Variants in ASTN2 observed in about 807,000 individuals in gnomAD.
ASTN2 encodes the protein astrotactin 2, also known as astrotactin-2.
Under a neutral mutation model 139.8 loss-of-function variants are expected in ASTN2, and 54 were observed. That is an observed-to-expected ratio of 0.39 (90% CI 0.31 to 0.48). ASTN2 has a LOEUF of 0.48. Ranked by LOEUF, ASTN2 falls within the 20% of genes least tolerant of loss-of-function variation. The pLI is 0.95. For missense variants in ASTN2, 1,565 were observed against 1,725.1 expected, an observed-to-expected ratio of 0.91 and a Z score of 1.64; for synonymous variants, 756 against 719.5, an observed-to-expected ratio of 1.05 and a Z score of -0.81.
At chr9:116,743,771 G>A (rs114296234) in intron 13 of ASTN2, among the ~76,000 whole-genome samples, 2,514 of 152,244 alleles carry the variant, frequency 0.017, 75 homozygotes, top group African/African-American at 0.057. Context: ...CCAAAGTGCT[G>A]GGATTTCAGG....
chr9:116,490,017 A>C (rs1261527099), intron 19 of ASTN2, among the ~76,000 whole-genome samples: 3 of 151,972 alleles, frequency 2.0e-5, no homozygotes, highest in South Asian at 4.1e-4. Context: ...TGTTACAAGG[A>C]GTTAACAGCA....
At chr9:117,090,080 A>G (rs979018573) in intron 5 of ASTN2, among the ~76,000 whole-genome samples, 2 of 152,192 alleles carry the variant, frequency 1.3e-5, no homozygotes, top group Non-Finnish European at 2.9e-5. Flanking sequence ...GGAGTCAGCT[A>G]AGTTTCATGG....
chr9:117,234,055 C>T (rs1428129714), intron 2 of ASTN2, among the ~76,000 whole-genome samples: 1 of 152,130 alleles, frequency 6.6e-6, no homozygotes, highest in Non-Finnish European at 1.5e-5. Flanking sequence ...TGTCTCTCAG[C>T]AACAGGAGGG....
Position 116,862,807 on chromosome 9 carries a change from TACACAC to T in ASTN2, c.2040+770_2040+775del, listed in dbSNP as rs751612533. Among the ~76,000 whole-genome samples the T allele has an allele frequency of 4.2e-3, 379 of 90,916 alleles. 4 individuals carry two copies. The highest frequency in any genetic ancestry group is 0.016 in the African/African-American group (371 of 23,302). The allele number at this position is 90,916 out of a possible 152,430, so 59.6% of individuals were successfully genotyped here. ...TTCAAGATACCCCAACACACACAAA[TACACAC>T]ACACACACACACACACACACACACA... On this transcript the variant is annotated intron_variant, in intron 11 of 22. Coordinates refer to ENST00000313400, the MANE Select transcript of ASTN2 (RefSeq NM_001365068.1).
At chr9:117,063,835 GC>G (rs1462036266) in intron 5 of ASTN2, among the ~76,000 whole-genome samples, 1 of 152,070 alleles carries the variant, frequency 6.6e-6, no homozygotes, top group Non-Finnish European at 1.5e-5. Flanking sequence ...AAGGGTTGTA[GC>G]AAAACCTTAC....
intron 4 of ASTN2, among the ~76,000 whole-genome samples, chr9:117,121,444 C>CAGGAAGGA (rs1202986706): frequency 7.2e-5 from 11 of 152,204 alleles, no homozygotes; most frequent in Admixed American, 7.2e-4. Context: ...CTCACACCTC[C>CAGGAAGGA]AGGAAGGAAG....
intron 10 of ASTN2, among the ~76,000 whole-genome samples, chr9:116,911,623 G>A (rs975775708): frequency 7.2e-5 from 11 of 152,164 alleles, no homozygotes; most frequent in African/African-American, 2.4e-4. Flanking sequence ...AAAATAGGTG[G>A]TTTATGCGCG....
At chr9:116,855,739 G>T (rs1186470114) in intron 11 of ASTN2, among the ~76,000 whole-genome samples, 1 of 152,134 alleles carries the variant, frequency 6.6e-6, no homozygotes, top group East Asian at 1.9e-4. Flanking sequence ...TTACCTGGCT[G>T]GTTGGATTTG....
chr9:117,098,598 G>A (rs1464221621), intron 4 of ASTN2, among the ~76,000 whole-genome samples: 1 of 152,012 alleles, frequency 6.6e-6, no homozygotes, highest in Non-Finnish European at 1.5e-5. Context: ...CTAAAAGCAG[G>A]GCCTGGAGAC....
chr9:117,414,544 G>T lies in ASTN2; in HGVS notation c.395C>A (p.Ala132Glu), dbSNP rs893223522. Residue 132 changes from alanine (A) to glutamate (E), a missense_variant, in exon 1 of 23, where the codon GCG (alanine) becomes GAG (glutamate). This residue lies in a region of ASTN2 where 596 missense variants were observed against 576.8 expected (regional missense o/e 1.03). Coordinates refer to ENST00000313400, the MANE Select transcript of ASTN2 (RefSeq NM_001365068.1). This position sits in a 1 kb window ranked among gnomAD's most constrained non-coding sequence, Gnocchi z 4.2. ...GGTGTTGTCCAGGTCGTCCTGCACC[G>T]CGATGCGCCCCGGCAGCTCGTTACG... ...FVRNELPGRI[A>E]VQDDLDNTEL... 3 of 1,605,526 alleles carry T rather than the reference G, an allele frequency of 1.9e-6. No homozygotes were observed. In the African/African-American group the frequency reaches 4.1e-5, roughly 22 times the overall value.
At chr9:117,145,174 G>A (rs962346659) in intron 3 of ASTN2, among the ~76,000 whole-genome samples, 1 of 152,074 alleles carries the variant, frequency 6.6e-6, no homozygotes, top group Non-Finnish European at 1.5e-5. Flanking sequence ...GGAGATGCTG[G>A]GTAGACAGTG....
intron 7 of ASTN2, among the ~76,000 whole-genome samples, chr9:117,004,604 TAGAG>T (rs1837302992): frequency 6.6e-6 from 1 of 152,118 alleles, no homozygotes; most frequent in Non-Finnish European, 1.5e-5. Context: ...AATCCTCAAA[TAGAG>T]GGAGGAGATC....
intron 11 of ASTN2, among the ~76,000 whole-genome samples, chr9:116,833,745 T>C (rs1221852721): frequency 1.3e-5 from 2 of 152,202 alleles, no homozygotes. Context: ...TTATATCTAT[T>C]ATGGGCTGAA....
intron 3 of ASTN2, among the ~76,000 whole-genome samples, chr9:117,212,611 TA>T: frequency 6.6e-6 from 1 of 151,502 alleles, no homozygotes; most frequent in South Asian, 2.1e-4. Flanking sequence ...TCCAATCTAA[TA>T]AAAAAGTGGA....
intron 19 of ASTN2, among the ~76,000 whole-genome samples, chr9:116,567,002 G>C (rs1173623444): frequency 1.3e-5 from 2 of 152,204 alleles, no homozygotes; most frequent in African/African-American, 4.8e-5. Context: ...CTCAGCATCT[G>C]CTTCTCAGAG....
chr9:117,408,392 G>A (rs1196457389), intron 1 of ASTN2, among the ~76,000 whole-genome samples: 1 of 152,138 alleles, frequency 6.6e-6, no homozygotes, highest in Non-Finnish European at 1.5e-5. Context: ...TGCCTTGTGA[G>A]TCTGTGATGC....
chr9:116,803,509 TATATATATATA>T (rs1371819804), intron 13 of ASTN2, among the ~76,000 whole-genome samples: 7 of 8,070 alleles, frequency 8.7e-4, no homozygotes, highest in East Asian at 0.018. Flanking sequence ...TATATATATA[TATATATATATA>T]TATTTTTTTT....
At chr9:117,116,566 G>T (rs1307401666) in intron 4 of ASTN2, among the ~76,000 whole-genome samples, 1 of 140,408 alleles carries the variant, frequency 7.1e-6, no homozygotes, top group East Asian at 2.1e-4. Context: ...TAAGGGAAAA[G>T]ATTTCATCAA....
chr9:116,605,988 C>T (rs534413615), intron 19 of ASTN2, among the ~76,000 whole-genome samples: 2 of 152,230 alleles, frequency 1.3e-5, no homozygotes, highest in East Asian at 1.9e-4. Context: ...CCTTTTTCTT[C>T]GTAGGTCAAA....
Sources: allele counts gnomAD v4.1 joint callset (sites outside exome capture counted in the v4.1 genomes callset), GRCh38; gene constraint gnomAD v4.1.1; regional missense constraint gnomAD v4.1.1; non-coding constraint Gnocchi (gnomAD v3.1); transcripts MANE v1.5; gene names NCBI Gene and HGNC (gene_info 2026-07-23, HGNC 2026-07-21).